Variants in SLC30A6 observed in about 807,000 individuals in gnomAD.
SLC30A6 encodes the protein zinc transporter 6.
Under a neutral mutation model 63.0 loss-of-function variants are expected in SLC30A6, and 55 were observed. That is an observed-to-expected ratio of 0.87 (90% CI 0.70 to 1.09). The LOEUF (loss-of-function observed/expected upper bound fraction) is 1.09, where lower values mean the gene tolerates loss of function less well. Among genes scored for constraint, SLC30A6 ranks in the 50% least tolerant of loss-of-function variants. SLC30A6 has a pLI of 0.00. For missense variants in SLC30A6, 587 were observed against 549.2 expected (o/e 1.07, Z -0.69); for synonymous variants, 224 against 186.1 (o/e 1.20, Z -1.66).
intron 4 of SLC30A6, among the ~76,000 whole-genome samples, chr2:32,178,321 A>G (rs1681974103): frequency 6.6e-6 from 1 of 151,950 alleles, no homozygotes; most frequent in South Asian, 2.1e-4. Context: ...CAGTTGTCCT[A>G]TCATCATTTG....
intron 4 of SLC30A6, chr2:32,177,342 G>C (rs34916668): frequency 1.9e-5 from 3 of 160,536 alleles, no homozygotes; most frequent in African/African-American, 7.3e-5. Flanking sequence ...TTGAGTTAGG[G>C]TCTTACTCTG....
rs140470636 is a variant in SLC30A6, at chr2:32,182,315, A to G, written c.219-1958A>G. Among the ~76,000 whole-genome samples, 9 of 152,288 alleles carry G rather than the reference A, an allele frequency of 5.9e-5. No homozygotes were observed. In the East Asian group the frequency reaches 1.7e-3, roughly 29 times the overall value. On this transcript the variant is annotated intron_variant, in intron 4 of 13. Transcript: ENST00000282587. ...ATTTCAAAAATCATTCATCCATTCA[A>G]AACCAACCTAGATTATTTGCTGAAC...
chr2:32,217,935 A>G (rs1685846932), intron 13 of SLC30A6, among the ~76,000 whole-genome samples: 1 of 151,810 alleles, frequency 6.6e-6, no homozygotes, highest in Admixed American at 6.6e-5. Context: ...TCTAAGGTTC[A>G]ATCAATTCTC....
At position 32,224,216 on chromosome 2, in the gene SLC30A6, A is replaced by G. The variant is rs918650338; in HGVS notation, c.*3503A>G. ...TCTCTTACATGCCAGGCACTATACT[A>G]AGTTAATATGCATTCAGTATACCAG... On this transcript the variant is annotated 3_prime_UTR_variant, in exon 14 of 14. Transcript: ENST00000282587. The G allele has an allele frequency of 7.4e-5, 26 of 349,464 alleles. No homozygotes were observed. Among genetic ancestry groups the G allele is most frequent in the Non-Finnish European group, 1.2e-4 (24 of 193,970 alleles). 21.6% of individuals were successfully genotyped at this position (349,464 alleles called of 1,614,324 possible).
intron 4 of SLC30A6, among the ~76,000 whole-genome samples, chr2:32,179,161 G>T (rs1315255651): frequency 6.6e-6 from 1 of 152,184 alleles, no homozygotes; most frequent in Non-Finnish European, 1.5e-5. Flanking sequence ...GTCCTGGCTG[G>T]AAACAGGCAC....
At chr2:32,187,596 A>G (rs2148839618) in intron 5 of SLC30A6, among the ~76,000 whole-genome samples, 1 of 152,342 alleles carries the variant, frequency 6.6e-6, no homozygotes, top group East Asian at 1.9e-4. Context: ...AGACTTCAAA[A>G]TCCAGTTCTC....
intron 10 of SLC30A6, chr2:32,202,201 G>A: frequency 1.2e-6 from 1 of 818,122 alleles, no homozygotes. Context: ...TCCTGTTCAA[G>A]TTAAGACCTT....
intron 1 of SLC30A6, among the ~76,000 whole-genome samples, chr2:32,168,972 C>CG (rs2148791134): frequency 6.6e-6 from 1 of 152,194 alleles, no homozygotes; most frequent in East Asian, 1.9e-4. Context: ...CTTTCTGCCT[C>CG]TTAGAAACCT....
chr2:32,213,489 G>A (rs1047139090), intron 13 of SLC30A6, among the ~76,000 whole-genome samples: 17 of 151,952 alleles, frequency 1.1e-4, no homozygotes, highest in African/African-American at 3.9e-4. Context: ...CTTGTTAGCC[G>A]CTTTGGGGTT....
chr2:32,209,344 A>T, intron 12 of SLC30A6, 149 bp from the exon 13 acceptor site: 1 of 572,712 alleles, frequency 1.7e-6, no homozygotes, highest in Admixed American at 3.5e-5. Context: ...TGGTATCTTG[A>T]GTGGTCTGAG....
At chr2:32,208,956 T>TA (rs1685022714) in intron 12 of SLC30A6, among the ~76,000 whole-genome samples, 1 of 152,238 alleles carries the variant, frequency 6.6e-6, no homozygotes, top group African/African-American at 2.4e-5. Context: ...AACTGGCTAC[T>TA]ACTCTCAACT....
chr2:32,211,755 T>C (rs1685273868), intron 13 of SLC30A6, among the ~76,000 whole-genome samples: 1 of 152,000 alleles, frequency 6.6e-6, no homozygotes, highest in African/African-American at 2.4e-5. Flanking sequence ...GTAGCTGGGA[T>C]TACAGGCACG....
chr2:32,218,873 A>G (rs1221313997), intron 13 of SLC30A6, among the ~76,000 whole-genome samples: 1 of 151,976 alleles, frequency 6.6e-6, no homozygotes, highest in African/African-American at 2.4e-5. Flanking sequence ...CTCATTTATA[A>G]TCTAGATTGT....
At chr2:32,176,444 G>A (rs1681747501) in intron 4 of SLC30A6, among the ~76,000 whole-genome samples, 1 of 151,942 alleles carries the variant, frequency 6.6e-6, no homozygotes, top group African/African-American at 2.4e-5. Context: ...GGATCACAAA[G>A]TCAGGAGTTC....
Position 32,193,987 on chromosome 2 carries a change from T to C in SLC30A6, c.496+4T>C, listed in dbSNP as rs750047129. 6 of 1,601,822 alleles carry C rather than the reference T, an allele frequency of 3.7e-6. No homozygotes were observed. The Admixed American group carries it at 1.0e-4, about 28-fold the overall frequency. On this transcript the variant is annotated splice_donor_region_variant and intron_variant, in intron 8 of 13. Transcript: ENST00000282587. ...CCTTTTGCTTATGTCTCAGAAGGTA[T>C]GTTTTTTATTTACTATTAATTTAAA...
intron 8 of SLC30A6, among the ~76,000 whole-genome samples, chr2:32,196,264 G>C (rs544141899): frequency 6.6e-6 from 1 of 151,870 alleles, no homozygotes; most frequent in Non-Finnish European, 1.5e-5. Context: ...GCAGTGAGCC[G>C]AGATCACGTC....
chr2:32,171,854 G>A (rs768245843), intron 2 of SLC30A6, among the ~76,000 whole-genome samples: 1 of 151,958 alleles, frequency 6.6e-6, no homozygotes, highest in Non-Finnish European at 1.5e-5. Flanking sequence ...CACCACGCCC[G>A]GCTAATTTTT....
chr2:32,171,507 G>A (rs1681209102), intron 2 of SLC30A6, 134 bp downstream of exon 2: 2 of 623,836 alleles, frequency 3.2e-6, no homozygotes, highest in East Asian at 3.0e-5. Flanking sequence ...TGTTGGAAAA[G>A]TATTTTTTTA....
chr2:32,181,651 G>C (rs1289454912), intron 4 of SLC30A6, among the ~76,000 whole-genome samples: 1 of 152,108 alleles, frequency 6.6e-6, no homozygotes, highest in African/African-American at 2.4e-5. Context: ...CAGATTCCCT[G>C]AGCTCAGGAG....
Sources: allele counts gnomAD v4.1 joint callset (sites outside exome capture counted in the v4.1 genomes callset), GRCh38; gene constraint gnomAD v4.1.1; transcripts MANE v1.5; gene names NCBI Gene and HGNC (gene_info 2026-07-23, HGNC 2026-07-21).